EPHA6: variants seen among roughly 807,000 people sequenced by gnomAD.
EPHA6 encodes ephrin type-A receptor 6.
EPHA6 carries 50 observed loss-of-function variants against 112.0 expected under a neutral mutation model. The ratio of observed to expected loss-of-function variants is 0.45; its 90% CI spans 0.36 to 0.56. The LOEUF (loss-of-function observed/expected upper bound fraction) is 0.56, where lower values mean the gene tolerates loss of function less well. EPHA6 is among the 20% of genes least tolerant of loss of function. The pLI is 0.00. For synonymous variants in EPHA6, 529 were observed against 490.7 expected (o/e 1.08, Z -1.03); for missense variants, 1,280 against 1,417.4 (o/e 0.90, Z 1.56).
intron 2 of EPHA6, among the ~76,000 whole-genome samples, chr3:96,960,331 C>T (rs935210469): frequency 6.6e-6 from 1 of 152,082 alleles, no homozygotes; most frequent in Admixed American, 6.6e-5. Context: ...CTGGGCATGT[C>T]ATGATCTGTT....
chr3:96,912,211 A>G (rs1345163899), intron 2 of EPHA6, among the ~76,000 whole-genome samples: 2 of 152,174 alleles, frequency 1.3e-5, no homozygotes, highest in Non-Finnish European at 2.9e-5. Context: ...TTATAAATAT[A>G]TAATGTAACC....
intron 5 of EPHA6, among the ~76,000 whole-genome samples, chr3:97,328,608 C>T (rs1025256561): frequency 6.6e-6 from 1 of 151,880 alleles, no homozygotes; most frequent in Non-Finnish European, 1.5e-5. Flanking sequence ...ACTCGTTTGT[C>T]AGATACACAG....
Position 97,466,276 on chromosome 3 carries a change from G to T in EPHA6, c.1895-9076G>T, listed in dbSNP as rs375570458. 2.3e-6 allele frequency: 3 copies of T among 1,285,372 alleles called. No individual in the cohort carries two copies. The Admixed American group carries it at 5.1e-5, about 22-fold the overall frequency. 79.6% of individuals were successfully genotyped at this position (1,285,372 alleles called of 1,614,324 possible). ...CAAAAGATGACAGTAAGGTTAGATAGAAAACATTCCCCTCAAGCAACATAA... is the reference window on the plus strand; with the variant it reads ...CAAAAGATGACAGTAAGGTTAGATATAAAACATTCCCCTCAAGCAACATAA... On this transcript the variant is annotated intron_variant, in intron 7 of 17. Transcript: ENST00000389672.
intron 2 of EPHA6, among the ~76,000 whole-genome samples, chr3:96,984,143 T>G (rs1483699832): frequency 2.6e-5 from 4 of 152,190 alleles, no homozygotes; most frequent in African/African-American, 9.6e-5. Context: ...TTTTTAGAAT[T>G]TTCAGCTTTT....
At chr3:96,933,001 A>G (rs75505337) in intron 2 of EPHA6, among the ~76,000 whole-genome samples, 1,855 of 152,198 alleles carry the variant, frequency 0.012, 34 homozygotes, top group African/African-American at 0.043. Context: ...TGCAGAGTCT[A>G]TGTGTCTTTG....
At chr3:97,535,342 C>T (rs190849100) in intron 11 of EPHA6, among the ~76,000 whole-genome samples, 1 of 152,162 alleles carries the variant, frequency 6.6e-6, no homozygotes, top group Admixed American at 6.6e-5. Flanking sequence ...AATCTCATAT[C>T]TGTTATAGGA....
At chr3:97,063,693 G>A (rs1016469544) in intron 3 of EPHA6, among the ~76,000 whole-genome samples, 1 of 151,742 alleles carries the variant, frequency 6.6e-6, no homozygotes, top group Non-Finnish European at 1.5e-5. Flanking sequence ...CATATACTCT[G>A]GAATTTAAAA....
intron 11 of EPHA6, among the ~76,000 whole-genome samples, chr3:97,566,688 C>T (rs1449957865): frequency 2.6e-5 from 4 of 152,182 alleles, no homozygotes; most frequent in Non-Finnish European, 5.9e-5. Flanking sequence ...GATCATTTAG[C>T]TGCAGGTATG....
intron 2 of EPHA6, among the ~76,000 whole-genome samples, chr3:96,950,539 A>C (rs2041483597): frequency 6.6e-6 from 1 of 152,084 alleles, no homozygotes; most frequent in African/African-American, 2.4e-5. Flanking sequence ...ACTGTATTGG[A>C]TTTTTAAAGT....
chr3:97,479,919 C>T (rs570071555), intron 9 of EPHA6, among the ~76,000 whole-genome samples: 21 of 152,168 alleles, frequency 1.4e-4, no homozygotes, highest in African/African-American at 4.3e-4. Flanking sequence ...TAACTGACAA[C>T]TTCTCCTCCT....
At chr3:97,192,659 A>G (rs2077338138) in intron 3 of EPHA6, among the ~76,000 whole-genome samples, 1 of 151,826 alleles carries the variant, frequency 6.6e-6, no homozygotes. Flanking sequence ...TTTTTGTTTC[A>G]GTTGTCTGTA....
At chr3:97,314,006 G>A (rs2081686431) in intron 5 of EPHA6, among the ~76,000 whole-genome samples, 1 of 151,538 alleles carries the variant, frequency 6.6e-6, no homozygotes, top group Admixed American at 6.6e-5. Context: ...AATACCATTA[G>A]TTTCAGGTCT....
In EPHA6 at chr3:97,750,034, T is replaced by C. The variant is rs1017598294; in HGVS notation, c.*1333T>C. On this transcript the variant is annotated 3_prime_UTR_variant, in exon 18 of 18. Coordinates refer to ENST00000389672, the MANE Select transcript of EPHA6 (RefSeq NM_001080448.3). ...AAAGGTAAATATATATTTTAAGTGA[T>C]TTAAGCTGAGTTGGCTTATCAAAAT... Among the ~76,000 whole-genome samples, 3 of 152,162 alleles carry C rather than the reference T, an allele frequency of 2.0e-5. No homozygotes were observed. Among genetic ancestry groups the C allele is most frequent in the African/African-American group, 7.2e-5 (3 of 41,430 alleles).
chr3:97,390,500 C>A (rs757325635), intron 5 of EPHA6, among the ~76,000 whole-genome samples: 4 of 151,234 alleles, frequency 2.6e-5, no homozygotes, highest in Non-Finnish European at 4.4e-5. Flanking sequence ...ATTATATTCC[C>A]TTTAAACTAT....
chr3:97,618,517 T>A (rs2093785061), intron 13 of EPHA6, among the ~76,000 whole-genome samples: 2 of 151,942 alleles, frequency 1.3e-5, no homozygotes. Flanking sequence ...ATATCTAGAC[T>A]GCTAGCTAGA....
chr3:97,000,251 G>A (rs1356319279), intron 3 of EPHA6, among the ~76,000 whole-genome samples: 3 of 143,904 alleles, frequency 2.1e-5, no homozygotes, highest in Admixed American at 7.0e-5. Flanking sequence ...ATTACCATGT[G>A]TGTATGTATA....
intron 3 of EPHA6, among the ~76,000 whole-genome samples, chr3:97,032,803 T>G (rs1232341660): frequency 6.6e-6 from 1 of 151,972 alleles, no homozygotes; most frequent in Non-Finnish European, 1.5e-5. Context: ...CCTATTGCCC[T>G]AAGCCTAGCG....
chr3:96,822,074 A>T (rs1018586005), intron 1 of EPHA6, among the ~76,000 whole-genome samples: 38 of 151,870 alleles, frequency 2.5e-4, no homozygotes, highest in African/African-American at 8.5e-4. Context: ...GCTTCACAAG[A>T]CTCTTCTGAT....
At chr3:96,951,167 G>T (rs1428567102) in intron 2 of EPHA6, among the ~76,000 whole-genome samples, 1 of 152,052 alleles carries the variant, frequency 6.6e-6, no homozygotes, top group Non-Finnish European at 1.5e-5. Context: ...AGCATGGTCA[G>T]TAATATTCTG....
Sources: allele counts gnomAD v4.1 joint callset (sites outside exome capture counted in the v4.1 genomes callset), GRCh38; gene constraint gnomAD v4.1.1; transcripts MANE v1.5; gene names NCBI Gene and HGNC (gene_info 2026-07-23, HGNC 2026-07-21).